Variants in PRELID2 observed in about 807,000 individuals in gnomAD.
PRELID2 encodes PRELI domain-containing protein 2.
In PRELID2, 25 loss-of-function variants were observed where a neutral mutation model predicts 28.4. The ratio of observed to expected loss-of-function variants is 0.88; its 90% CI spans 0.64 to 1.23. PRELID2 has a LOEUF of 1.23. Ranked by LOEUF, PRELID2 falls within the 50% of genes most tolerant of loss-of-function variation. The pLI, the probability that PRELID2 is intolerant of heterozygous loss-of-function variation, is 0.00. For missense variants in PRELID2, 201 were observed against 214.4 expected (o/e 0.94, Z 0.39); for synonymous variants, 76 against 71.6 (o/e 1.06, Z -0.31).
the PRELID2 span, among the ~76,000 whole-genome samples, chr5:145,385,469 T>G: frequency 6.6e-6 from 1 of 152,130 alleles, no homozygotes; most frequent in Non-Finnish European, 1.5e-5. Flanking sequence ...GATAGTTGCC[T>G]GGGCAACACT....
At chr5:145,641,894 T>C (rs189175660) in intron 1 of PRELID2, among the ~76,000 whole-genome samples, 91 of 152,360 alleles carry the variant, frequency 6.0e-4, no homozygotes, top group Non-Finnish European at 1.1e-3. Context: ...TGTGCCACAT[T>C]TTCTTTATCC....
chr5:145,823,620 G>A (rs1431328615), intron 1 of PRELID2, among the ~76,000 whole-genome samples: 1 of 152,076 alleles, frequency 6.6e-6, no homozygotes, highest in Non-Finnish European at 1.5e-5. Context: ...GTGGAGCCAG[G>A]GAATTAAACC....
At chr5:145,270,895 T>G in the PRELID2 span, among the ~76,000 whole-genome samples, 1 of 152,042 alleles carries the variant, frequency 6.6e-6, no homozygotes, top group Admixed American at 6.6e-5. Flanking sequence ...ACTGAATAAT[T>G]TATAAAGGAA....
chr5:145,763,063 C>T (rs1757548920), intron 6 of PRELID2, among the ~76,000 whole-genome samples: 1 of 152,222 alleles, frequency 6.6e-6, no homozygotes, highest in Non-Finnish European at 1.5e-5. Flanking sequence ...AACAAATCCT[C>T]CAGATGACTC....
chr5:145,256,445 G>T, the PRELID2 span, among the ~76,000 whole-genome samples: 1 of 151,966 alleles, frequency 6.6e-6, no homozygotes, highest in Non-Finnish European at 1.5e-5. Flanking sequence ...GGTTCACCCA[G>T]TTGATCCAGA....
At chr5:145,533,039 G>C (rs1257677500) in intron 1 of PRELID2, among the ~76,000 whole-genome samples, 1 of 152,086 alleles carries the variant, frequency 6.6e-6, no homozygotes, top group Non-Finnish European at 1.5e-5. Flanking sequence ...AGACCTCCAT[G>C]CTGGTTTTCA....
chr5:145,418,589 C>A, the PRELID2 span, among the ~76,000 whole-genome samples: 1 of 152,166 alleles, frequency 6.6e-6, no homozygotes, highest in African/African-American at 2.4e-5. Context: ...TAATACTGCA[C>A]ACCTACAACC....
At chr5:145,740,701 T>G (rs1481367716) in intron 1 of PRELID2, among the ~76,000 whole-genome samples, 1 of 119,206 alleles carries the variant, frequency 8.4e-6, no homozygotes, top group Non-Finnish European at 1.6e-5. Flanking sequence ...ATTATTTATA[T>G]TAAATATAAT....
intron 1 of PRELID2, among the ~76,000 whole-genome samples, chr5:145,513,824 G>C (rs1752488036): frequency 6.6e-6 from 1 of 152,198 alleles, no homozygotes; most frequent in Non-Finnish European, 1.5e-5. Context: ...AGCCAGGAGA[G>C]AGTGGGAGCC....
rs1213597270 is a variant in PRELID2 at position 145,757,481 on chromosome 5, G to A, written c.*3055C>T. 1.3e-5 allele frequency among the ~76,000 whole-genome samples: 2 copies of A among 152,264 alleles called. No homozygotes were observed. Among genetic ancestry groups the A allele is most frequent in the East Asian group, 1.9e-4 (1 of 5,184 alleles). On this transcript the variant is annotated 3_prime_UTR_variant, in exon 7 of 7. Transcript: ENST00000683046. ...GAATCACAGGGTAAATCATCGCCTT[G>A]AAGACAGGAGGAGACTGGCCAGGTC...
At chr5:145,789,810 C>T (rs1440503396) in intron 5 of PRELID2, among the ~76,000 whole-genome samples, 2 of 151,978 alleles carry the variant, frequency 1.3e-5, no homozygotes, top group East Asian at 3.9e-4. Context: ...AAACAAATAA[C>T]CCAATTAAGA....
chr5:145,237,868 G>T, the PRELID2 span, among the ~76,000 whole-genome samples: 1 of 152,126 alleles, frequency 6.6e-6, no homozygotes. Context: ...GAAGTGGTCA[G>T]TGTTACTGAT....
downstream of PRELID2, among the ~76,000 whole-genome samples, chr5:145,469,924 G>GTTTC (rs1009613421): frequency 3.3e-5 from 5 of 151,900 alleles, no homozygotes; most frequent in African/African-American, 1.2e-4. Context: ...TCCCCTAAGT[G>GTTTC]TTTCACATGT....
At chr5:145,301,365 G>A in the PRELID2 span, among the ~76,000 whole-genome samples, 1 of 151,850 alleles carries the variant, frequency 6.6e-6, no homozygotes, top group Non-Finnish European at 1.5e-5. Context: ...CATTTTTATA[G>A]GTTTGTCTTT....
At chr5:145,800,678 T>C (rs1395572346) in intron 4 of PRELID2, among the ~76,000 whole-genome samples, 1 of 152,156 alleles carries the variant, frequency 6.6e-6, no homozygotes, top group Non-Finnish European at 1.5e-5. Flanking sequence ...AAAAGCACTC[T>C]TGGGTTTTGT....
Position 145,525,762 on chromosome 5 carries a change from C to T in PRELID2, n.71-52447G>A, listed in dbSNP as rs370346843. Among the ~76,000 whole-genome samples, 17 of 152,254 alleles carry T rather than the reference C, an allele frequency of 1.1e-4. 1 individual carries two copies. In the South Asian group the frequency reaches 2.9e-3, roughly 26 times the overall value. ...TCAAAAAAACACACATCAACAACTGCGAGAAACCAATAACCATTTATACTG... is the reference window on the plus strand; with the variant it reads ...TCAAAAAAACACACATCAACAACTGTGAGAAACCAATAACCATTTATACTG... On this transcript the variant is annotated intron_variant and non_coding_transcript_variant, in intron 1 of 2. Transcript: ENST00000510259.
chr5:145,494,611 G>A (rs1752294096), intron 1 of PRELID2, among the ~76,000 whole-genome samples: 1 of 152,046 alleles, frequency 6.6e-6, no homozygotes, highest in Non-Finnish European at 1.5e-5. Flanking sequence ...TTAAAGAAAA[G>A]ATCTTGTAAC....
the PRELID2 span, among the ~76,000 whole-genome samples, chr5:145,405,699 G>GTTTTTTTTTTTTTTTT: frequency 4.3e-5 from 2 of 45,992 alleles, no homozygotes; most frequent in Non-Finnish European, 4.8e-5. Flanking sequence ...GTACCACATA[G>GTTTTTTTTTTTTTTTT]TTGTTTTTTT....
intron 1 of PRELID2, among the ~76,000 whole-genome samples, chr5:145,635,839 G>A (rs961741116): frequency 6.6e-6 from 1 of 152,094 alleles, no homozygotes; most frequent in Non-Finnish European, 1.5e-5. Context: ...TACTCCCTAG[G>A]GCATATCCAT....
Sources: allele counts gnomAD v4.1 joint callset (sites outside exome capture counted in the v4.1 genomes callset), GRCh38; gene constraint gnomAD v4.1.1; transcripts MANE v1.5; gene names NCBI Gene and HGNC (gene_info 2026-07-23, HGNC 2026-07-21).